Variants in LRMDA observed in about 807,000 individuals in gnomAD.
LRMDA encodes the protein leucine rich melanocyte differentiation associated.
Under a neutral mutation model 29.8 loss-of-function variants are expected in LRMDA, and 18 were observed. The observed-to-expected ratio is 0.60, with a 90% CI of 0.42 to 0.90. The LOEUF is 0.90. LRMDA is among the 40% of genes least tolerant of loss of function. The probability of loss-of-function intolerance (pLI) is 0.00; values close to 1 mark genes in which losing one functional copy is unlikely to be tolerated. For synonymous variants in LRMDA, 125 were observed against 109.4 expected (o/e 1.14, Z -0.89); for missense variants, 273 against 273.9 (o/e 1.00, Z 0.02).
At chr10:76,447,899 A>T (rs950581950) in intron 6 of LRMDA, among the ~76,000 whole-genome samples, 26 of 152,282 alleles carry the variant, frequency 1.7e-4, no homozygotes, top group African/African-American at 5.8e-4. Context: ...CCAGTGTATA[A>T]GAGATATTCA....
chr10:75,748,290 T>G (rs1020511526), intron 2 of LRMDA, among the ~76,000 whole-genome samples: 8 of 152,206 alleles, frequency 5.3e-5, no homozygotes, highest in African/African-American at 1.9e-4. Flanking sequence ...GATGGGGTTT[T>G]ACCATGTTGG....
chr10:75,759,684 C>T (rs1458576673), intron 2 of LRMDA, among the ~76,000 whole-genome samples: 1 of 152,116 alleles, frequency 6.6e-6, no homozygotes, highest in Non-Finnish European at 1.5e-5. Context: ...TATTTATGAG[C>T]TCCTTGATCA....
intron 2 of LRMDA, among the ~76,000 whole-genome samples, chr10:75,621,782 G>A (rs1446815893): frequency 6.6e-6 from 1 of 152,170 alleles, no homozygotes; most frequent in Non-Finnish European, 1.5e-5. Flanking sequence ...AGGGGACACT[G>A]CTCTGAGGTT....
At chr10:75,782,992 C>A (rs1214231583) in intron 2 of LRMDA, 1 of 1,613,952 alleles carries the variant, frequency 6.2e-7, no homozygotes. Context: ...AAGTATTTGT[C>A]ACTCAGCGGC....
chr10:76,073,297 G>A (rs1266050138), intron 5 of LRMDA, among the ~76,000 whole-genome samples: 1 of 152,196 alleles, frequency 6.6e-6, no homozygotes, highest in Non-Finnish European at 1.5e-5. Flanking sequence ...TAGGGAATAT[G>A]TGTGTTCCCT....
chr10:76,031,436 A>C (rs1333755001), intron 2 of LRMDA, among the ~76,000 whole-genome samples: 1 of 151,986 alleles, frequency 6.6e-6, no homozygotes. Flanking sequence ...TGTCTGTCCC[A>C]TGCTTGGATT....
chr10:76,292,342 A>T (rs1039241739), intron 5 of LRMDA, among the ~76,000 whole-genome samples: 2 of 152,142 alleles, frequency 1.3e-5, no homozygotes, highest in Non-Finnish European at 2.9e-5. Flanking sequence ...CACTTGCACA[A>T]CCAAGCTCAC....
chr10:76,165,332 G>A (rs1340624294), intron 5 of LRMDA, among the ~76,000 whole-genome samples: 1 of 151,658 alleles, frequency 6.6e-6, no homozygotes, highest in Non-Finnish European at 1.5e-5. Context: ...GAGTACAGTG[G>A]TGTGATCTTG....
intron 2 of LRMDA, among the ~76,000 whole-genome samples, chr10:75,617,580 C>T (rs1028698664): frequency 5.9e-5 from 9 of 152,178 alleles, no homozygotes; most frequent in Admixed American, 1.3e-4. Flanking sequence ...TTTAGTTTGG[C>T]ACTCACTGCT....
intron 2 of LRMDA, among the ~76,000 whole-genome samples, chr10:75,651,685 C>T (rs1841601516): frequency 6.6e-6 from 1 of 152,188 alleles, no homozygotes; most frequent in African/African-American, 2.4e-5. Flanking sequence ...TTAACAGCAC[C>T]TCCCGGTGGC....
Position 75,498,199 on chromosome 10 carries a change from G to C in LRMDA, c.131+59705G>C, listed in dbSNP as rs924473370. 2.6e-5 allele frequency among the ~76,000 whole-genome samples: 4 copies of C among 152,256 alleles called. No individual in the cohort carries two copies. The East Asian group carries it at 5.8e-4, about 22-fold the overall frequency. ...CCCTAAGTCCCCTTTGATCTCAGAG[G>C]CATTATCTCTGTACTTAGGGAATGT... On this transcript the variant is annotated intron_variant, in intron 2 of 6. Coordinates refer to ENST00000611255, the MANE Select transcript of LRMDA (RefSeq NM_001305581.2).
intron 5 of LRMDA, among the ~76,000 whole-genome samples, chr10:76,077,695 G>T (rs1353052596): frequency 2.0e-5 from 3 of 151,868 alleles, no homozygotes; most frequent in Non-Finnish European, 4.4e-5. Flanking sequence ...AAGTGATGAG[G>T]GCAGAAGAAG....
At chr10:76,241,778 G>A (rs1368532651) in intron 5 of LRMDA, among the ~76,000 whole-genome samples, 2 of 152,136 alleles carry the variant, frequency 1.3e-5, no homozygotes, top group Admixed American at 1.3e-4. Flanking sequence ...GGGTCCTGGA[G>A]ACTGAAGGGT....
intron 2 of LRMDA, among the ~76,000 whole-genome samples, chr10:75,893,887 C>T (rs1398148709): frequency 6.8e-6 from 1 of 147,028 alleles, no homozygotes; most frequent in Non-Finnish European, 1.5e-5. Context: ...CAGCCGAGAT[C>T]ACACCACTGC....
intron 5 of LRMDA, among the ~76,000 whole-genome samples, chr10:76,272,767 C>G (rs886315093): frequency 3.9e-5 from 6 of 152,002 alleles, no homozygotes; most frequent in African/African-American, 4.8e-5. Flanking sequence ...GCTGAGGAGG[C>G]CTGAGGAAAC....
intron 2 of LRMDA, among the ~76,000 whole-genome samples, chr10:75,496,649 G>C (rs181733802): frequency 3.3e-5 from 5 of 152,208 alleles, no homozygotes; most frequent in African/African-American, 1.2e-4. Context: ...ACCATGAGAA[G>C]GCGCTTTTAC....
chr10:75,882,538 A>C (rs1442769090), intron 2 of LRMDA: 2 of 152,232 alleles, frequency 1.3e-5, no homozygotes, highest in African/African-American at 4.8e-5. Flanking sequence ...TGAAAAGATA[A>C]AGATATATGT....
chr10:75,448,042 T>C (rs1844414380), intron 2 of LRMDA, among the ~76,000 whole-genome samples: 1 of 152,150 alleles, frequency 6.6e-6, no homozygotes, highest in South Asian at 2.1e-4. Flanking sequence ...TGATACTTTG[T>C]GCCACGGTAA....
chr10:76,533,219 A>T (rs115517577), intron 6 of LRMDA, among the ~76,000 whole-genome samples: 2,029 of 152,264 alleles, frequency 0.013, 51 homozygotes, highest in African/African-American at 0.046. Flanking sequence ...TTCAAATAGG[A>T]TATTATTGAA....
Sources: allele counts gnomAD v4.1 joint callset (sites outside exome capture counted in the v4.1 genomes callset), GRCh38; gene constraint gnomAD v4.1.1; transcripts MANE v1.5; gene names NCBI Gene and HGNC (gene_info 2026-07-23, HGNC 2026-07-21).